The following GAS2L3 variants were observed in gnomAD, a reference collection of about 807,000 sequenced individuals.
GAS2L3 encodes growth arrest specific 2 like 3.
Under a neutral mutation model 37.0 loss-of-function variants are expected in GAS2L3, and 28 were observed. The observed-to-expected ratio is 0.76, with a 90% CI of 0.56 to 1.04. The LOEUF (loss-of-function observed/expected upper bound fraction) is 1.04, where lower values mean the gene tolerates loss of function less well. GAS2L3 is among the 50% of genes least tolerant of loss of function. The pLI is 0.00. For synonymous variants in GAS2L3, 290 were observed against 296.6 expected, an observed-to-expected ratio of 0.98 and a Z score of 0.23; for missense variants, 793 against 817.6, an observed-to-expected ratio of 0.97 and a Z score of 0.37.
At position 100,622,264 on chromosome 12, in the gene GAS2L3, C is replaced by G; in HGVS notation, c.649-11C>G. On this transcript the variant is annotated splice_polypyrimidine_tract_variant and intron_variant, in intron 8 of 9. Transcript: ENST00000547754. The stretch of plus-strand genomic sequence containing the variant: ...TGACAAGCACTAAATTTTATTTGTT[C>G]GTCATCTTAGGTTAAACATATTGCT... 1.4e-6 allele frequency: 2 copies of G among 1,431,754 alleles called. No homozygotes were observed. 88.7% of individuals were successfully genotyped at this position (1,431,754 alleles called of 1,614,324 possible).
chr12:100,575,061 C>T (rs1004647608), intron 1 of GAS2L3, among the ~76,000 whole-genome samples: 18 of 151,950 alleles, frequency 1.2e-4, no homozygotes, highest in African/African-American at 4.1e-4. Context: ...ACTTTAGACA[C>T]ATTATTTAAT....
chr12:100,608,952 C>A (rs1296202381), intron 5 of GAS2L3, among the ~76,000 whole-genome samples: 3 of 152,240 alleles, frequency 2.0e-5, no homozygotes, highest in Admixed American at 1.3e-4. Flanking sequence ...CTACTACCAC[C>A]ACTGGCCCAT....
Position 100,624,818 on chromosome 12 carries a change from A to G in GAS2L3, c.2013A>G (p.Lys671=), listed in dbSNP as rs914863731. 1.4e-5 allele frequency: 22 copies of G among 1,613,000 alleles called. No homozygotes were observed. The highest frequency in any genetic ancestry group is 1.9e-5 in the Non-Finnish European group (22 of 1,179,534). ...SVKDADSGDK[K]PTAKKKEDDD... is the part of the protein sequence containing the mutation. Reference sequence around the variant, plus strand: ...AGGATGCAGATAGTGGAGATAAAAAACCTACTGCAAAGAAAAAGGAAGATG... The same window carrying G: ...AGGATGCAGATAGTGGAGATAAAAAGCCTACTGCAAAGAAAAAGGAAGATG... The change falls in exon 10 of 10, where the codon AAA becomes AAG. Residue 671 remains lysine (K), a synonymous_variant. Transcript: ENST00000547754.
In GAS2L3 at chr12:100,579,614, A is replaced by G; in HGVS notation, c.-152+5829A>G. 1.0e-5 allele frequency: 8 copies of G among 775,752 alleles called. No individual in the cohort carries two copies. The South Asian group carries it at 1.1e-4, about 10-fold the overall frequency. 48.1% of individuals were successfully genotyped at this position (775,752 alleles called of 1,614,324 possible). A position where few individuals can be genotyped will look rare whatever the true frequency, so the allele number is the denominator to read the frequency against. On this transcript the variant is annotated intron_variant, in intron 1 of 9. Coordinates refer to ENST00000547754, the MANE Select transcript of GAS2L3 (RefSeq NM_174942.3). ...GGGTGCATCTTTTGGGAGCTTTAGA[A>G]CACAAGAATGTTAGAAATGTCTTAG...
chr12:100,621,882 G>C (rs7973857), intron 8 of GAS2L3, among the ~76,000 whole-genome samples: 1 of 81,298 alleles, frequency 1.2e-5, no homozygotes, highest in East Asian at 4.4e-4. Context: ...GGTGGGGGGG[G>C]GAGAGAGAGA....
At chr12:100,582,560 A>G (rs1225561666) in intron 1 of GAS2L3, among the ~76,000 whole-genome samples, 1 of 152,194 alleles carries the variant, frequency 6.6e-6, no homozygotes, top group Non-Finnish European at 1.5e-5. Context: ...GTTAATTTAC[A>G]GTGATGAGGA....
rs753572337 is a variant in GAS2L3 at position 100,625,015 on chromosome 12, T to A, written c.*125T>A. The A allele has an allele frequency of 1.1e-5, 8 of 743,122 alleles. No homozygotes were observed. Among genetic ancestry groups the A allele is most frequent in the Non-Finnish European group, 1.8e-5 (8 of 455,306 alleles). The allele number at this position is 743,122 out of a possible 1,614,324, so 46.0% of individuals were successfully genotyped here. A position where few individuals can be genotyped will look rare whatever the true frequency, so the allele number is the denominator to read the frequency against. On this transcript the variant is annotated 3_prime_UTR_variant, in exon 10 of 10. Coordinates refer to ENST00000547754, the MANE Select transcript of GAS2L3 (RefSeq NM_174942.3). Reference sequence around the variant, plus strand: ...CACTAAGGATAGTGAGGATGGAGGCTGGGATGAGGAAAGGGTTCATCAGAA... The same window carrying A: ...CACTAAGGATAGTGAGGATGGAGGCAGGGATGAGGAAAGGGTTCATCAGAA...
Position 100,625,629 on chromosome 12 carries a change from C to A in GAS2L3, c.*739C>A, listed in dbSNP as rs1174827408. The stretch of plus-strand genomic sequence containing the variant: ...CAATTTTTTATATTATCTATAAAAA[C>A]GTAGACACCTTATGTTTCACATGTT... On this transcript the variant is annotated 3_prime_UTR_variant, in exon 10 of 10. Transcript: ENST00000547754. 1 of 151,976 alleles carries A rather than the reference C, an allele frequency of 6.6e-6. No individual in the cohort carries two copies. The highest frequency in any genetic ancestry group is 1.9e-4 in the East Asian group (1 of 5,188). The allele number at this position is 151,976 out of a possible 1,614,324, so 9.4% of individuals were successfully genotyped here.
intron 6 of GAS2L3, among the ~76,000 whole-genome samples, chr12:100,615,544 T>C (rs1330406264): frequency 6.6e-6 from 1 of 152,156 alleles, no homozygotes; most frequent in Admixed American, 6.5e-5. Context: ...TCCATACTTT[T>C]GGTCATTTAA....
In GAS2L3 at chr12:100,624,817, A is replaced by T; in HGVS notation, c.2012A>T (p.Lys671Ile). The change falls in exon 10 of 10, where the codon AAA becomes ATA. Residue 671 changes from lysine (K) to isoleucine (I), a missense_variant. Transcript: ENST00000547754. ...SVKDADSGDK[K>I]PTAKKKEDDD... ...AAGGATGCAGATAGTGGAGATAAAA[A>T]ACCTACTGCAAAGAAAAAGGAAGAT... The T allele has an allele frequency of 6.2e-7, 1 of 1,613,142 alleles. No homozygotes were observed. Among genetic ancestry groups the T allele is most frequent in the Non-Finnish European group, 8.5e-7 (1 of 1,179,506 alleles).
At chr12:100,611,858 T>A (rs1593182376) in intron 5 of GAS2L3, 142 bp from the exon 6 acceptor site, 1 of 638,370 alleles carries the variant, frequency 1.6e-6, no homozygotes, top group East Asian at 2.8e-5. Flanking sequence ...TAAAATAGTT[T>A]TCAAAACTAT....
At chr12:100,586,130 G>A (rs1955778378) in intron 1 of GAS2L3, among the ~76,000 whole-genome samples, 1 of 152,158 alleles carries the variant, frequency 6.6e-6, no homozygotes, top group African/African-American at 2.4e-5. Context: ...ATCTGGTGAG[G>A]GACTTCAATA....
intron 1 of GAS2L3, among the ~76,000 whole-genome samples, chr12:100,580,584 C>T (rs1955698664): frequency 6.6e-6 from 1 of 152,194 alleles, no homozygotes; most frequent in South Asian, 2.1e-4. Context: ...TAGACACTCA[C>T]TAGATGTTTA....
intron 7 of GAS2L3, 23 bp downstream of exon 7, chr12:100,617,830 G>T (rs1411001631): frequency 7.3e-7 from 1 of 1,378,748 alleles, no homozygotes; most frequent in Non-Finnish European, 1.0e-6. Flanking sequence ...CAATATTTCA[G>T]AATTTCAATG....
chr12:100,587,929 GTAGTCCCAGC>G (rs1210506126), intron 1 of GAS2L3, among the ~76,000 whole-genome samples: 1 of 152,154 alleles, frequency 6.6e-6, no homozygotes, highest in African/African-American at 2.4e-5. Context: ...GTGGGCACCT[GTAGTCCCAGC>G]TACTCGGGAG....
chr12:100,595,523 G>C (rs1955901141), intron 3 of GAS2L3, among the ~76,000 whole-genome samples: 1 of 150,560 alleles, frequency 6.6e-6, no homozygotes, highest in African/African-American at 2.4e-5. Context: ...TATTTTTTAA[G>C]TTTTCTTTCT....
intron 3 of GAS2L3, among the ~76,000 whole-genome samples, chr12:100,599,737 AT>A (rs1304461091): frequency 6.6e-6 from 1 of 152,204 alleles, no homozygotes; most frequent in African/African-American, 2.4e-5. Flanking sequence ...ACAAACATGT[AT>A]TTTATAAGGC....
chr12:100,581,233 A>G (rs1418061683), intron 1 of GAS2L3, among the ~76,000 whole-genome samples: 1 of 152,210 alleles, frequency 6.6e-6, no homozygotes, highest in African/African-American at 2.4e-5. Context: ...AAGTATTGTC[A>G]GTGTGCAAAA....
chr12:100,626,824 T>C lies in GAS2L3; in HGVS notation c.*1934T>C, dbSNP rs1023921230. The C allele has an allele frequency of 5.9e-5, 9 of 152,118 alleles. No individual in the cohort carries two copies. Among genetic ancestry groups the C allele is most frequent in the African/African-American group, 2.2e-4 (9 of 41,428 alleles). The allele number at this position is 152,118 out of a possible 1,614,324, so 9.4% of individuals were successfully genotyped here. ...CAGAATTAGCCAAAGAATTGTTTAT[T>C]TGAGGCCAGGCAATCCCAGCATTTT... On this transcript the variant is annotated 3_prime_UTR_variant, in exon 10 of 10. Coordinates refer to ENST00000547754, the MANE Select transcript of GAS2L3 (RefSeq NM_174942.3).
Sources: gnomAD v4.1 joint callset for allele counts (sites outside exome capture counted in the v4.1 genomes callset) on GRCh38, gnomAD v4.1.1 for gene constraint, MANE v1.5 for transcripts, NCBI Gene and HGNC (gene_info 2026-07-23, HGNC 2026-07-21) for gene names.